The following SRP19 variants were observed in gnomAD, a reference collection of about 807,000 sequenced individuals.
SRP19 encodes signal recognition particle 19.
In SRP19, 11 loss-of-function variants were observed where a neutral mutation model predicts 22.4. That is an observed-to-expected ratio of 0.49 (90% confidence interval 0.31 to 0.81). SRP19 has a LOEUF of 0.81. Among genes scored for constraint, SRP19 ranks in the 40% least tolerant of loss-of-function variants. The pLI is 0.05. For synonymous variants in SRP19, 61 were observed against 57.6 expected, an observed-to-expected ratio of 1.06 and a Z score of -0.27; for missense variants, 168 against 175.9, an observed-to-expected ratio of 0.96 and a Z score of 0.25.
At chr5:112,880,835 GCTGGTAATC>G (rs1768051402) in intron 4 of SRP19, among the ~76,000 whole-genome samples, 1 of 152,156 alleles carries the variant, frequency 6.6e-6, no homozygotes, top group Non-Finnish European at 1.5e-5. Context: ...TTAAAAATAA[GCTGGTAATC>G]CTGGCTGGGC....
At chr5:112,873,731 T>G (rs908538039), downstream of SRP19, among the ~76,000 whole-genome samples, 8 of 151,978 alleles carry the variant, frequency 5.3e-5, no homozygotes, top group Non-Finnish European at 8.8e-5. Flanking sequence ...GTAATTTATT[T>G]CTCAGAAGGT....
chr5:112,862,398 C>T, intron 1 of SRP19, 110 bp from the exon 2 acceptor site: 1 of 870,476 alleles, frequency 1.1e-6, no homozygotes, highest in Admixed American at 2.0e-5. Flanking sequence ...AAGGGAGTAC[C>T]CATCTGATAT....
chr5:112,892,860 TA>T lies in SRP19; in HGVS notation c.*1254del, dbSNP rs766718429. The stretch of plus-strand genomic sequence containing the variant: ...AATCCGAGAGAAAAAAGAGTAGTCA[TA>T]GGGGGAAGAAATCTCACAAACGCAC... On this transcript the variant is annotated 3_prime_UTR_variant, in exon 5 of 5. Coordinates refer to the SRP19 transcript ENST00000391338. 2.0e-4 allele frequency: 328 copies of T among 1,612,576 alleles called. No individual in the cohort carries two copies. The Middle Eastern group carries it at 5.1e-3, about 25-fold the overall frequency.
downstream of SRP19, among the ~76,000 whole-genome samples, chr5:112,872,303 A>T (rs1767776519): frequency 6.7e-6 from 1 of 150,046 alleles, no homozygotes; most frequent in Admixed American, 6.7e-5. Flanking sequence ...GATGTGTTTA[A>T]TGAGATCCCC....
Position 112,888,792 on chromosome 5 carries a change from G to A in SRP19, c.302-2811G>A, listed in dbSNP as rs545816770. 6.2e-4 allele frequency among the ~76,000 whole-genome samples: 93 copies of A among 150,998 alleles called. 3 individuals are homozygous for A. Among genetic ancestry groups the A allele is most frequent in the African/African-American group, 2.1e-3 (87 of 40,700 alleles). On this transcript the variant is annotated intron_variant, in intron 4 of 4. Coordinates refer to the SRP19 transcript ENST00000391338. ...TCCCAGTGACTTGGGAGGCCAAGGT[G>A]CAAGGATTGCTTGGGCCCAGGAGTT...
At chr5:112,866,135 A>G (rs1428030766) in intron 4 of SRP19, among the ~76,000 whole-genome samples, 1 of 142,788 alleles carries the variant, frequency 7.0e-6, no homozygotes, top group African/African-American at 2.6e-5. Context: ...TTTTTTTCTG[A>G]GACAGAGTTT....
chr5:112,883,752 AT>A (rs1464022757), intron 4 of SRP19, among the ~76,000 whole-genome samples: 1 of 152,102 alleles, frequency 6.6e-6, no homozygotes, highest in Non-Finnish European at 1.5e-5. Flanking sequence ...CCTCAAACAA[AT>A]GTCCAGGACT....
At chr5:112,871,460 AT>A (rs950767943), downstream of SRP19, among the ~76,000 whole-genome samples, 8 of 151,032 alleles carry the variant, frequency 5.3e-5, no homozygotes, top group African/African-American at 1.9e-4. Context: ...AATTAAAAAA[AT>A]TTTTTTTTAG....
In SRP19 at chr5:112,892,390, G is replaced by C. The variant is rs183342096; in HGVS notation, c.*783G>C. On this transcript the variant is annotated 3_prime_UTR_variant, in exon 5 of 5. Transcript: ENST00000391338. ...AGATTTCTATGAGGATGTGTTGCCC[G>C]AGTTCAAGAACGTGGGGAAAGTGAT... is the stretch of plus-strand genomic sequence containing the variant. 4.7e-4 allele frequency: 753 copies of C among 1,614,072 alleles called. 3 individuals carry two copies. The African/African-American group carries it at 8.7e-3, about 19-fold the overall frequency.
chr5:112,864,423 CAT>C (rs1319360873), intron 2 of SRP19, 32 bp from the exon 3 acceptor site: 1 of 1,575,008 alleles, frequency 6.3e-7, no homozygotes, highest in Admixed American at 1.7e-5. Context: ...ACTTAAAGCA[CAT>C]ATATTTAGTG....
At position 112,868,064 on chromosome 5, in the gene SRP19, T is replaced by C. The variant is rs1020653177; in HGVS notation, c.*527T>C. On this transcript the variant is annotated 3_prime_UTR_variant, in exon 5 of 5. Coordinates refer to ENST00000505459, the MANE Select transcript of SRP19 (RefSeq NM_003135.3). ...GACAGGGGAGTCTGTAAAAAGCCAG[T>C]CTGTAGATGATATTTTAATATATTA... 1.0e-6 allele frequency: 1 copy of C among 985,374 alleles called. No individual in the cohort carries two copies. The highest frequency in any genetic ancestry group is 1.7e-5 in the African/African-American group (1 of 57,222). The allele number at this position is 985,374 out of a possible 1,614,324, so 61.0% of individuals were successfully genotyped here.
chr5:112,875,371 G>C (rs1055595268), intron 4 of SRP19, among the ~76,000 whole-genome samples: 2 of 104,890 alleles, frequency 1.9e-5, no homozygotes, highest in East Asian at 6.4e-4. Context: ...TTTTGTTTTT[G>C]GTTTTTTTTT....
chr5:112,866,122 T>C (rs942383334), intron 4 of SRP19, among the ~76,000 whole-genome samples: 17 of 151,812 alleles, frequency 1.1e-4, no homozygotes, highest in African/African-American at 4.1e-4. Context: ...TTTTCTTTTT[T>C]TTTTTTTTTC....
rs1049112820 is a variant in SRP19, at chr5:112,869,615, T to C, written c.*2078T>C. 2.6e-5 allele frequency: 4 copies of C among 152,240 alleles called. No homozygotes were observed. The highest frequency in any genetic ancestry group is 9.7e-5 in the African/African-American group (4 of 41,440). The allele number at this position is 152,240 out of a possible 1,614,324, so 9.4% of individuals were successfully genotyped here. On this transcript the variant is annotated 3_prime_UTR_variant, in exon 5 of 5. Coordinates refer to ENST00000505459, the MANE Select transcript of SRP19 (RefSeq NM_003135.3). ...GGCTGCTACCCAACCCAAAATCTCA[T>C]CTTGAATTATAATCCCCAAATCCCT...
At chr5:112,862,626 G>A (rs1217531102) in intron 2 of SRP19, 43 bp downstream of exon 2, 2 of 1,571,588 alleles carry the variant, frequency 1.3e-6, no homozygotes, top group East Asian at 4.5e-5. Context: ...GGGAATGGGG[G>A]GTGTCATCCT....
At chr5:112,869,886 GTTTCCT>G (rs1767720553), downstream of SRP19, 1 of 152,160 alleles carries the variant, frequency 6.6e-6, no homozygotes, top group Non-Finnish European at 1.5e-5. Context: ...AGTTAAACCT[GTTTCCT>G]TTATAATTAA....
chr5:112,892,610 A>C (rs574112568), exon 5 of SRP19: 66 of 1,614,204 alleles, frequency 4.1e-5, no homozygotes, highest in East Asian at 1.1e-4. Flanking sequence ...GAAATACAAC[A>C]ATGTCCAAGA....
rs565306440 is a variant in SRP19 at position 112,869,777 on chromosome 5, A to G, written c.*2240A>G. 2.0e-5 allele frequency: 3 copies of G among 151,544 alleles called. No individual in the cohort carries two copies. Among genetic ancestry groups the G allele is most frequent in the South Asian group, 4.2e-4 (2 of 4,764 alleles). The allele number at this position is 151,544 out of a possible 1,614,324, so 9.4% of individuals were successfully genotyped here. On this transcript the variant is annotated 3_prime_UTR_variant, in exon 5 of 5. Coordinates refer to ENST00000505459, the MANE Select transcript of SRP19 (RefSeq NM_003135.3). ...CCTGGCGTTTCCCCTGCTTGCAGTC[A>G]CTCCATCTTGCTGCCCTGTGAAGGT...
chr5:112,866,701 A>G (rs1423830573), intron 4 of SRP19, among the ~76,000 whole-genome samples: 2 of 152,206 alleles, frequency 1.3e-5, no homozygotes, highest in African/African-American at 4.8e-5. Flanking sequence ...TCAGGTTGTG[A>G]CTAAGGAGTG....
Sources: allele counts gnomAD v4.1 joint callset (sites outside exome capture counted in the v4.1 genomes callset), GRCh38; gene constraint gnomAD v4.1.1; transcripts MANE v1.5; gene names NCBI Gene and HGNC (gene_info 2026-07-23, HGNC 2026-07-21).